The following DDIT4 variants were observed in gnomAD, a reference collection of about 807,000 sequenced individuals.
DDIT4 encodes the protein DNA damage inducible transcript 4.
In DDIT4, 20 loss-of-function variants were observed where a neutral mutation model predicts 20.2. That is an observed-to-expected ratio of 0.99 (90% CI 0.70 to 1.44). DDIT4 has a LOEUF of 1.44. Ranked by LOEUF, DDIT4 falls within the 40% of genes most tolerant of loss-of-function variation. The pLI is 0.00. For synonymous variants in DDIT4, 152 were observed against 144.6 expected (o/e 1.05, Z -0.37); for missense variants, 316 against 298.1 (o/e 1.06, Z -0.44).
chr10:72,274,657 C>T, intron 2 of DDIT4, 38 bp from the exon 3 acceptor site: 1 of 1,553,656 alleles, frequency 6.4e-7, no homozygotes, highest in Non-Finnish European at 8.7e-7. Context: ...CGTTTTGAAG[C>T]CGCTCTAATA....
rs777228453 is a variant in DDIT4 at position 72,275,381 on chromosome 10, G to A, written c.*193G>A. ...TGTGTGCGGGTGGCTGTGCATTGGG[G>A]ACACATACCCCTCAGTACTGTAGCA... is the stretch of plus-strand genomic sequence containing the variant. On this transcript the variant is annotated 3_prime_UTR_variant, in exon 3 of 3. Coordinates refer to ENST00000307365, the MANE Select transcript of DDIT4 (RefSeq NM_019058.4). 4 of 624,688 alleles carry A rather than the reference G, an allele frequency of 6.4e-6. No individual in the cohort carries two copies. The highest frequency in any genetic ancestry group is 3.0e-5 in the Admixed American group (1 of 33,808). 38.7% of individuals were successfully genotyped at this position (624,688 alleles called of 1,614,324 possible). A position where few individuals can be genotyped will look rare whatever the true frequency, so the allele number is the denominator to read the frequency against.
intron 2 of DDIT4, 120 bp from the exon 3 acceptor site, chr10:72,274,575 G>A: frequency 5.6e-6 from 8 of 1,436,146 alleles, no homozygotes; most frequent in Non-Finnish European, 7.5e-6. Flanking sequence ...TGAGTGAGGC[G>A]GAAACTGAGG....
Position 72,275,051 on chromosome 10 carries a change from A to G in DDIT4, c.562A>G (p.Lys188Glu). Residue 188 changes from lysine (K) to glutamate (E), a missense_variant, in exon 3 of 3, where the codon AAG (lysine) becomes GAG (glutamate). Coordinates refer to ENST00000307365, the MANE Select transcript of DDIT4 (RefSeq NM_019058.4). The stretch of plus-strand genomic sequence containing the variant: ...GCGCCTGGACTCACGACTCTGGCCC[A>G]AGATCCAGGGGCTGTTTAGCTCCGC... The part of the protein sequence containing the change: ...VLRLDSRLWP[K>E]IQGLFSSANS... 2 of 1,613,598 alleles carry G rather than the reference A, an allele frequency of 1.2e-6. No homozygotes were observed. Among genetic ancestry groups the G allele is most frequent in the African/African-American group, 2.7e-5 (2 of 75,070 alleles).
Position 72,275,363 on chromosome 10 carries a change from G to C in DDIT4, c.*175G>C. The C allele has an allele frequency of 1.4e-6, 1 of 701,940 alleles. No individual in the cohort carries two copies. Among genetic ancestry groups the C allele is most frequent in the Non-Finnish European group, 2.3e-6 (1 of 429,902 alleles). 43.5% of individuals were successfully genotyped at this position (701,940 alleles called of 1,614,324 possible). On this transcript the variant is annotated 3_prime_UTR_variant, in exon 3 of 3. Transcript: ENST00000307365. ...CCAGGAAGCTCATTGAGTTGTGTGC[G>C]GGTGGCTGTGCATTGGGGACACATA... is the stretch of plus-strand genomic sequence containing the variant.
In DDIT4 at chr10:72,273,937, G is replaced by C. The variant is rs1209745769; in HGVS notation, c.-184G>C. The C allele has an allele frequency of 3.9e-6, 2 of 517,252 alleles. No homozygotes were observed. The highest frequency in any genetic ancestry group is 3.5e-5 in the Admixed American group (1 of 28,836). 32.0% of individuals were successfully genotyped at this position (517,252 alleles called of 1,614,324 possible). A position where few individuals can be genotyped will look rare whatever the true frequency, so the allele number is the denominator to read the frequency against. On this transcript the variant is annotated 5_prime_UTR_variant, in exon 1 of 3. Transcript: ENST00000307365. ...TGGTGCTAGGGCGCAGCAGGCCAAG[G>C]GGGAGGTGCGAGCGTGGACCTGGGA...
At position 72,275,090 on chromosome 10, in the gene DDIT4, C is replaced by T. The variant is rs777279099; in HGVS notation, c.601C>T (p.Leu201Phe). The change falls in exon 3 of 3, where the codon CTC (leucine) becomes TTC (phenylalanine). Residue 201 changes from leucine (L) to phenylalanine (F), a missense_variant. Leu to Phe is a conservative substitution (Grantham distance 22). Transcript: ENST00000307365. ...GLFSSANSPF[L>F]PGFSQSLTLS... ...GTTTAGCTCCGCCAACTCTCCCTTC[C>T]TCCCTGGCTTCAGCCAGTCCCTGAC... 37 of 1,613,308 alleles carry T rather than the reference C, an allele frequency of 2.3e-5. No homozygotes were observed. Among genetic ancestry groups the T allele is most frequent in the Admixed American group, 1.7e-4 (10 of 59,994 alleles).
In DDIT4 at chr10:72,274,989, C is replaced by A; in HGVS notation, c.500C>A (p.Pro167His). The change falls in exon 3 of 3, where the codon CCC becomes CAC. Residue 167 changes from proline to histidine, a missense_variant. Physicochemically the swap from Pro to His is moderately conservative, Grantham distance 77. Transcript: ENST00000307365. ...AGCGTGGGCCAGCTGGCACTCGACC[C>A]CAGCCTGGTGCCCACCTTCCAGCTG... ...CHSVGQLALDPSLVPTFQLTL... is the reference protein window; with the variant it reads ...CHSVGQLALDHSLVPTFQLTL... 6.2e-7 allele frequency: 1 copy of A among 1,613,352 alleles called. No homozygotes were observed. Among genetic ancestry groups the A allele is most frequent in the Non-Finnish European group, 8.5e-7 (1 of 1,179,986 alleles).
At position 72,274,732 on chromosome 10, in the gene DDIT4, C is replaced by A; in HGVS notation, c.243C>A (p.Phe81Leu). The A allele has an allele frequency of 1.2e-6, 2 of 1,612,888 alleles. No homozygotes were observed. Among genetic ancestry groups the A allele is most frequent in the Non-Finnish European group, 1.7e-6 (2 of 1,179,182 alleles). ...TGGATGGGGTGTCGTTGCCCGACTT[C>A]GAGCTGCTCAGTGACCCTGAGGATG... ...AYLDGVSLPD[F>L]ELLSDPEDEH... Residue 81 changes from phenylalanine (F) to leucine (L), a missense_variant, in exon 3 of 3, where the codon TTC becomes TTA. Physicochemically the swap from Phe to Leu is conservative, Grantham distance 22. Transcript: ENST00000307365.
At chr10:72,274,500 C>A in intron 2 of DDIT4, 79 bp downstream of exon 2, 1 of 1,449,798 alleles carries the variant, frequency 6.9e-7, no homozygotes, top group Non-Finnish European at 9.2e-7. Flanking sequence ...GGGTCAGAGC[C>A]GCCTTGGCTT....
rs559921729 is a variant in DDIT4, at chr10:72,273,955, A to G, written c.-166A>G. On this transcript the variant is annotated 5_prime_UTR_variant, in exon 1 of 3. Transcript: ENST00000307365. ...GGCCAAGGGGGAGGTGCGAGCGTGGACCTGGGACGGGTCTGGGCGGCTCTC... is the reference window on the plus strand; with the variant it reads ...GGCCAAGGGGGAGGTGCGAGCGTGGGCCTGGGACGGGTCTGGGCGGCTCTC... 11 of 536,974 alleles carry G rather than the reference A, an allele frequency of 2.0e-5. No homozygotes were observed. The highest frequency in any genetic ancestry group is 1.0e-4 in the East Asian group (3 of 30,018). The allele number at this position is 536,974 out of a possible 1,614,324, so 33.3% of individuals were successfully genotyped here.
In DDIT4 at chr10:72,275,124, C is replaced by G. The variant is rs1860813947; in HGVS notation, c.635C>G (p.Thr212Ser). 1 of 1,613,238 alleles carries G rather than the reference C, an allele frequency of 6.2e-7. No homozygotes were observed. Among genetic ancestry groups the G allele is most frequent in the Non-Finnish European group, 8.5e-7 (1 of 1,179,982 alleles). The stretch of plus-strand genomic sequence containing the variant: ...TTCAGCCAGTCCCTGACGCTGAGCA[C>G]TGGCTTCCGAGTCATCAAGAAGAAG... Reference protein sequence around the residue: ...PGFSQSLTLSTGFRVIKKKLY... With the variant: ...PGFSQSLTLSSGFRVIKKKLY... Residue 212 changes from threonine to serine, a missense_variant, in exon 3 of 3, where the codon ACT becomes AGT. Thr to Ser is a moderately conservative substitution (Grantham distance 58, BLOSUM62 1). Transcript: ENST00000307365.
chr10:72,274,287 C>T lies in DDIT4; in HGVS notation c.71C>T (p.Pro24Leu), dbSNP rs1860799435. The change falls in exon 2 of 3, where the codon CCC (proline) becomes CTC (leucine). Residue 24 changes from proline (P) to leucine (L), a missense_variant. Physicochemically the swap from Pro to Leu is moderately conservative, Grantham distance 98. Transcript: ENST00000307365. The stretch of plus-strand genomic sequence containing the variant: ...TCGCCCTCGTCCTTGCCCCGAACTC[C>T]CACCCCAGATCGGCCGCCGCGCTCA... ...SSSPSSLPRT[P>L]TPDRPPRSAW... is the part of the protein sequence containing the mutation. The T allele has an allele frequency of 1.2e-6, 2 of 1,613,478 alleles. No individual in the cohort carries two copies. The highest frequency in any genetic ancestry group is 1.3e-5 in the African/African-American group (1 of 74,928).
Position 72,275,507 on chromosome 10 carries a change from C to A in DDIT4, c.*319C>A. ...TGACAGTTAACAGTGGTGTGACATC[C>A]AGAGAGCAGCTGGGCTGCTCCCGCC... On this transcript the variant is annotated 3_prime_UTR_variant, in exon 3 of 3. Coordinates refer to ENST00000307365, the MANE Select transcript of DDIT4 (RefSeq NM_019058.4). The A allele has an allele frequency of 4.1e-6, 1 of 246,176 alleles. No homozygotes were observed. Among genetic ancestry groups the A allele is most frequent in the Non-Finnish European group, 7.9e-6 (1 of 125,946 alleles). The allele number at this position is 246,176 out of a possible 1,614,324, so 15.2% of individuals were successfully genotyped here. A position where few individuals can be genotyped will look rare whatever the true frequency, so the allele number is the denominator to read the frequency against.
Position 72,274,990 on chromosome 10 carries a change from C to T in DDIT4, c.501C>T (p.Pro167=). 6.2e-7 allele frequency: 1 copy of T among 1,613,348 alleles called. No homozygotes were observed. The highest frequency in any genetic ancestry group is 8.5e-7 in the Non-Finnish European group (1 of 1,179,982). ...CHSVGQLALD[P]SLVPTFQLTL... ...GCGTGGGCCAGCTGGCACTCGACCC[C>T]AGCCTGGTGCCCACCTTCCAGCTGA... The change falls in exon 3 of 3, where the codon CCC becomes CCT. Residue 167 remains proline (P), a synonymous_variant. Transcript: ENST00000307365.
Position 72,274,828 on chromosome 10 carries a change from C to A in DDIT4, c.339C>A (p.Arg113=), listed in dbSNP as rs541576624. The change falls in exon 3 of 3, where the codon CGC becomes CGA. Residue 113 remains arginine, a synonymous_variant. Coordinates refer to ENST00000307365, the MANE Select transcript of DDIT4 (RefSeq NM_019058.4). ...SLAQARLGSR[R]PARLLMPSQL... is the part of the protein sequence containing the mutation. ...CCCAGGCGCGGCTGGGCTCTCGACGCCCTGCGCGCCTGCTGATGCCTAGCC... is the reference window on the plus strand; with the variant it reads ...CCCAGGCGCGGCTGGGCTCTCGACGACCTGCGCGCCTGCTGATGCCTAGCC... 6.2e-7 allele frequency: 1 copy of A among 1,613,678 alleles called. No homozygotes were observed. Among genetic ancestry groups the A allele is most frequent in the East Asian group, 2.2e-5 (1 of 44,888 alleles).
chr10:72,274,305 C>T lies in DDIT4; in HGVS notation c.89C>T (p.Pro30Leu), dbSNP rs1036308633. ...CGAACTCCCACCCCAGATCGGCCGC[C>T]GCGCTCAGCCTGGGGGTCGGCGACC... ...LPRTPTPDRPPRSAWGSATRE... is the reference protein window; with the variant it reads ...LPRTPTPDRPLRSAWGSATRE... The change falls in exon 2 of 3, where the codon CCG becomes CTG. Residue 30 changes from proline to leucine, a missense_variant. Physicochemically the swap from Pro to Leu is moderately conservative, Grantham distance 98. Transcript: ENST00000307365. 4 of 1,613,100 alleles carry T rather than the reference C, an allele frequency of 2.5e-6. No individual in the cohort carries two copies. The highest frequency in any genetic ancestry group is 3.4e-6 in the Non-Finnish European group (4 of 1,179,984).
At position 72,274,427 on chromosome 10, in the gene DDIT4, C is replaced by T; in HGVS notation, c.205+6C>T. The T allele has an allele frequency of 6.5e-7, 1 of 1,549,086 alleles. No individual in the cohort carries two copies. Among genetic ancestry groups the T allele is most frequent in the Non-Finnish European group, 8.7e-7 (1 of 1,151,004 alleles). On this transcript the variant is annotated splice_donor_region_variant and intron_variant, in intron 2 of 2. Coordinates refer to ENST00000307365, the MANE Select transcript of DDIT4 (RefSeq NM_019058.4). ...TGGCTTCGGGCCGGAGGAAGGTGAG[C>T]GGTGGGCGGGTGCCGACGCGACTCG...
In DDIT4 at chr10:72,274,905, C is replaced by T; in HGVS notation, c.416C>T (p.Pro139Leu). Residue 139 changes from proline to leucine, a missense_variant, in exon 3 of 3, where the codon CCG becomes CTG. Physicochemically the swap from Pro to Leu is moderately conservative, Grantham distance 98. Transcript: ENST00000307365. ...CTACTGCGCCTGGCCTACAGCGAGCCGTGCGGCCTGCGGGGGGCGCTGCTG... is the reference window on the plus strand; with the variant it reads ...CTACTGCGCCTGGCCTACAGCGAGCTGTGCGGCCTGCGGGGGGCGCTGCTG... ...KELLRLAYSE[P>L]CGLRGALLDV... The T allele has an allele frequency of 6.2e-7, 1 of 1,612,862 alleles. No homozygotes were observed. The highest frequency in any genetic ancestry group is 8.5e-7 in the Non-Finnish European group (1 of 1,179,896).
rs905205727 is a variant in DDIT4, at chr10:72,274,142, C to T, written c.-60-15C>T. On this transcript the variant is annotated splice_polypyrimidine_tract_variant and intron_variant, in intron 1 of 2. Transcript: ENST00000307365. ...CCCAGACTGACGCCTGGTCGGTCCC[C>T]CTCTTGTCTTACAGCGGCTTCTACG... 2 of 1,223,370 alleles carry T rather than the reference C, an allele frequency of 1.6e-6. No individual in the cohort carries two copies. Among genetic ancestry groups the T allele is most frequent in the Admixed American group, 1.7e-5 (1 of 59,472 alleles). 75.8% of individuals were successfully genotyped at this position (1,223,370 alleles called of 1,614,324 possible). A position where few individuals can be genotyped will look rare whatever the true frequency, so the allele number is the denominator to read the frequency against.
Sources: allele counts gnomAD v4.1 joint callset, GRCh38; gene constraint gnomAD v4.1.1; transcripts MANE v1.5; gene names NCBI Gene and HGNC (gene_info 2026-07-23, HGNC 2026-07-21).